NCL: variants seen among roughly 807,000 people sequenced by gnomAD.
The protein encoded by NCL is nucleolin multifunctional protein.
Under a neutral mutation model 77.7 loss-of-function variants are expected in NCL, and 4 were observed. That is an observed-to-expected ratio of 0.05 (90% confidence interval 0.03 to 0.12). The LOEUF (loss-of-function observed/expected upper bound fraction) is 0.12, where lower values mean the gene tolerates loss of function less well. NCL is among the 10% of genes least tolerant of loss of function. The pLI, the probability that NCL is intolerant of heterozygous loss-of-function variation, is 1.00. For missense variants in NCL, 763 were observed against 860.9 expected, an observed-to-expected ratio of 0.89 and a Z score of 1.42; for synonymous variants, 344 against 297.8, an observed-to-expected ratio of 1.16 and a Z score of -1.60.
rs2046898540 is a variant in NCL, at chr2:231,457,143, C to T, written c.1448-19G>A. ...GATTCACCTGCAAATAGAGATGCCA[C>T]ATTCCTAAGACTCTGAAACAGTGGT... On this transcript the variant is annotated intron_variant, in intron 9 of 13. Coordinates refer to ENST00000322723, the MANE Select transcript of NCL (RefSeq NM_005381.3). 7 of 1,613,340 alleles carry T rather than the reference C, an allele frequency of 4.3e-6. No homozygotes were observed. In the East Asian group the frequency reaches 1.6e-4, roughly 36 times the overall value.
At position 231,454,760 on chromosome 2, in the gene NCL, G is replaced by A. The variant is rs975662558; in HGVS notation, c.*431C>T. On this transcript the variant is annotated 3_prime_UTR_variant, in exon 14 of 14. Coordinates refer to ENST00000322723, the MANE Select transcript of NCL (RefSeq NM_005381.3). ...AGGAAGTAACACGTCTGGCACCAGA[G>A]TTGACTTTTAATTTGTCCTAAAGCC... The A allele has an allele frequency of 1.2e-5, 2 of 160,186 alleles. No individual in the cohort carries two copies. Among genetic ancestry groups the A allele is most frequent in the African/African-American group, 4.9e-5 (2 of 40,860 alleles). 9.9% of individuals were successfully genotyped at this position (160,186 alleles called of 1,614,324 possible).
At chr2:231,458,136 G>A in intron 8 of NCL, 130 bp downstream of exon 8, 1 of 1,247,804 alleles carries the variant, frequency 8.0e-7, no homozygotes, top group East Asian at 2.4e-5. Flanking sequence ...ATGGGTTACT[G>A]AGGCACAAAC....
chr2:231,457,580 A>G, intron 9 of NCL, 63 bp downstream of exon 9: 3 of 1,430,562 alleles, frequency 2.1e-6, no homozygotes, highest in Non-Finnish European at 2.9e-6. Context: ...CTTATGAAAT[A>G]CAAAGACACA....
intron 6 of NCL, among the ~76,000 whole-genome samples, 170 bp downstream of exon 6, chr2:231,459,982 T>C (rs574543539): frequency 1.4e-4 from 21 of 152,304 alleles, no homozygotes; most frequent in Admixed American, 1.3e-3. Flanking sequence ...TTATGGAAAT[T>C]GCAACTTAGG....
rs762673835 is a variant in NCL at position 231,461,588 on chromosome 2, C to A, written c.565G>T (p.Asp189Tyr). The A allele has an allele frequency of 6.2e-7, 1 of 1,611,216 alleles. No homozygotes were observed. The part of the protein sequence containing the change: ...AAAPASEDED[D>Y]EDDEDDEDDD... ...TCCTCATCATCTTCGTCATCCTCAT[C>A]GTCCTCATCCTCTGAGGCAGGGGCA... The change falls in exon 3 of 14, where the codon GAT (aspartate) becomes TAT (tyrosine). Residue 189 changes from aspartate to tyrosine, a missense_variant. Transcript: ENST00000322723.
At position 231,460,267 on chromosome 2, in the gene NCL, G is replaced by C; in HGVS notation, c.925C>G (p.Leu309Val). 6.2e-7 allele frequency: 1 copy of C among 1,614,126 alleles called. No individual in the cohort carries two copies. Among genetic ancestry groups the C allele is most frequent in the Non-Finnish European group, 8.5e-7 (1 of 1,180,022 alleles). ...EGTEPTTAFNLFVGNLNFNKS... is the reference protein window; with the variant it reads ...EGTEPTTAFNVFVGNLNFNKS... ...TTAAAGTTTAGGTTTCCAACAAAGA[G>C]ATTGAAAGCCGTAGTCGGTTCTGTG... Residue 309 changes from leucine (L) to valine (V), a missense_variant, in exon 6 of 14, where the codon CTC becomes GTC. Coordinates refer to ENST00000322723, the MANE Select transcript of NCL (RefSeq NM_005381.3).
chr2:231,463,137 T>G (rs2046967948), intron 2 of NCL, 63 bp downstream of exon 2: 1 of 1,241,068 alleles, frequency 8.1e-7, no homozygotes, highest in African/African-American at 1.5e-5. Context: ...ATATCCAATT[T>G]CATGTCTTAA....
intron 3 of NCL, 27 bp from the exon 4 acceptor site, chr2:231,460,893 C>T: frequency 1.3e-6 from 2 of 1,564,818 alleles, no homozygotes; most frequent in African/African-American, 1.4e-5. Context: ...CTAAAAATTG[C>T]AGCAATCTCC....
chr2:231,455,733 G>A, intron 12 of NCL, 109 bp from the exon 13 acceptor site: 1 of 1,335,998 alleles, frequency 7.5e-7, no homozygotes. Context: ...TTGTTTATTT[G>A]GGAAAAGATA....
At chr2:231,460,943 T>C (rs2046943388) in intron 3 of NCL, 77 bp from the exon 4 acceptor site, 4 of 1,160,698 alleles carry the variant, frequency 3.4e-6, no homozygotes, top group Non-Finnish European at 5.2e-6. Flanking sequence ...GTAAAGAAAA[T>C]GCAATCCTGT....
chr2:231,460,353 G>T (rs764620495), intron 5 of NCL, 60 bp from the exon 6 acceptor site: 1 of 1,610,216 alleles, frequency 6.2e-7, no homozygotes, highest in South Asian at 1.1e-5. Flanking sequence ...AGTTTCCAAA[G>T]CAAAATTTCT....
At position 231,460,530 on chromosome 2, in the gene NCL, C is replaced by G. The variant is rs780298691; in HGVS notation, c.846G>C (p.Lys282Asn). Residue 282 changes from lysine (K) to asparagine (N), a missense_variant, in exon 5 of 14, where the codon AAG becomes AAC. Physicochemically the swap from Lys to Asn is moderately conservative, Grantham distance 94. Around this residue, in one of 2 missense-constraint regions of NCL, gnomAD observed 590 missense variants for 570.5 expected, o/e 1.03. Transcript: ENST00000322723. ...PVKEAPGKRK[K>N]EMAKQKAAPE... ...GAGCTGCTTTCTGTTTGGCCATTTCCTTCTTTCGTTTTCCAGGTGCTTCTT... is the reference window on the plus strand; with the variant it reads ...GAGCTGCTTTCTGTTTGGCCATTTCGTTCTTTCGTTTTCCAGGTGCTTCTT... 6.2e-7 allele frequency: 1 copy of G among 1,614,194 alleles called. No individual in the cohort carries two copies. The highest frequency in any genetic ancestry group is 8.5e-7 in the Non-Finnish European group (1 of 1,180,044).
chr2:231,461,816 TGGCTCC>T lies in NCL; in HGVS notation c.331_336del (p.Gly111_Ala112del), dbSNP rs2046954723. On this transcript the variant is annotated inframe_deletion, in exon 3 of 14. Transcript: ENST00000322723. ...GTTGCTACCAATGCTTTGCCTGGTG[TGGCTCC>T]CTTCTTGCCAGGTGTGGTAACTGCT... 6.2e-7 allele frequency: 1 copy of T among 1,613,424 alleles called. No individual in the cohort carries two copies. The highest frequency in any genetic ancestry group is 8.5e-7 in the Non-Finnish European group (1 of 1,179,958).
At position 231,464,329 on chromosome 2, in the gene NCL, C is replaced by T. The variant is rs1575265247; in HGVS notation, c.18+7G>A. The T allele has an allele frequency of 1.3e-6, 2 of 1,593,728 alleles. No individual in the cohort carries two copies. Among genetic ancestry groups the T allele is most frequent in the Non-Finnish European group, 8.5e-7 (1 of 1,170,044 alleles). On this transcript the variant is annotated splice_region_variant and intron_variant, in intron 1 of 13. Transcript: ENST00000322723. ...ACACGTCTGCGCTCGCGCTCAAGGC[C>T]GTTTACCTTCGCGAGCTTCACCATG...
At chr2:231,458,901 T>C (rs2046919662) in intron 7 of NCL, 100 bp downstream of exon 7, 2 of 1,300,060 alleles carry the variant, frequency 1.5e-6, no homozygotes, top group East Asian at 5.3e-5. Context: ...AAAAATGATT[T>C]AAAAAAATAA....
rs144444417 is a variant in NCL at position 231,460,718 on chromosome 2, T to A, written c.762A>T (p.Glu254Asp). Residue 254 changes from glutamate (E) to aspartate (D), a missense_variant, in exon 4 of 14, where the codon GAA becomes GAT. Coordinates refer to ENST00000322723, the MANE Select transcript of NCL (RefSeq NM_005381.3). ...CCTCATCATCTTCATCATCATCATC[T>A]TCATCATCTTCGTCGTCGTCGTCAT... Reference protein sequence around the residue: ...DEDDDDDEDDEDDDDEDDEEE... With the variant: ...DEDDDDDEDDDDDDDEDDEEE... The A allele has an allele frequency of 6.6e-5, 106 of 1,595,518 alleles. No individual in the cohort carries two copies. The highest frequency in any genetic ancestry group is 3.6e-4 in the African/African-American group (27 of 74,704).
chr2:231,463,498 C>A, intron 1 of NCL, 182 bp from the exon 2 acceptor site: 1 of 602,022 alleles, frequency 1.7e-6, no homozygotes, highest in East Asian at 3.0e-5. Flanking sequence ...CTCTCAACCG[C>A]CCACATTTTT....
intron 1 of NCL, 136 bp from the exon 2 acceptor site, chr2:231,463,452 T>C (rs2046970935): frequency 4.2e-6 from 3 of 721,834 alleles, no homozygotes; most frequent in East Asian, 2.5e-5. Flanking sequence ...ACAACTAACA[T>C]AGAAACTACT....
intron 8 of NCL, among the ~76,000 whole-genome samples, chr2:231,458,044 G>A (rs555831311): frequency 6.6e-6 from 1 of 152,192 alleles, no homozygotes; most frequent in African/African-American, 2.4e-5. Context: ...TTTATTGTAA[G>A]ATAGGCACAT....
Sources: gnomAD v4.1 joint callset for allele counts (sites outside exome capture counted in the v4.1 genomes callset) on GRCh38, gnomAD v4.1.1 for gene constraint, gnomAD v4.1.1 regional missense constraint, MANE v1.5 for transcripts, NCBI Gene and HGNC (gene_info 2026-07-23, HGNC 2026-07-21) for gene names.